Variants in RPS6KC1 observed in about 807,000 individuals in gnomAD.
RPS6KC1 encodes the protein inactive ribosomal protein S6 kinase delta-1.
RPS6KC1 carries 54 observed loss-of-function variants against 103.8 expected under a neutral mutation model. The ratio of observed to expected loss-of-function variants is 0.52; its 90% CI spans 0.42 to 0.65. The LOEUF (loss-of-function observed/expected upper bound fraction) is 0.65, where lower values mean the gene tolerates loss of function less well. Among genes scored for constraint, RPS6KC1 ranks in the 30% least tolerant of loss-of-function variants. The pLI, the probability that RPS6KC1 is intolerant of heterozygous loss-of-function variation, is 0.00. For synonymous variants in RPS6KC1, 439 were observed against 438.7 expected, an observed-to-expected ratio of 1.00 and a Z score of -0.01; for missense variants, 1,151 against 1,253.8, an observed-to-expected ratio of 0.92 and a Z score of 1.24.
rs890045989 is a variant in RPS6KC1 at position 213,094,793 on chromosome 1, G to A, written c.263-9661G>A. ...AGATCACTCCATGTCCTTGGATGACGACAAAAACAAGACCATCCTGTAGTC... is the reference window on the plus strand; with the variant it reads ...AGATCACTCCATGTCCTTGGATGACAACAAAAACAAGACCATCCTGTAGTC... On this transcript the variant is annotated intron_variant, in intron 3 of 14. Transcript: ENST00000366960. 2.6e-4 allele frequency among the ~76,000 whole-genome samples: 39 copies of A among 152,124 alleles called. 1 individual carries two copies. The highest frequency in any genetic ancestry group is 5.9e-5 in the Non-Finnish European group (4 of 68,022).
the RPS6KC1 span, among the ~76,000 whole-genome samples, chr1:213,533,159 A>C: frequency 6.6e-6 from 1 of 152,154 alleles, no homozygotes; most frequent in Non-Finnish European, 1.5e-5. Context: ...AGAACCAGGG[A>C]GTCAGGGCTC....
the RPS6KC1 span, among the ~76,000 whole-genome samples, chr1:213,830,520 C>T: frequency 6.6e-5 from 10 of 152,172 alleles, no homozygotes; most frequent in East Asian, 5.8e-4. Context: ...TTGCTAATCC[C>T]GGTATAAAGA....
chr1:213,613,323 T>C, the RPS6KC1 span, among the ~76,000 whole-genome samples: 2 of 152,372 alleles, frequency 1.3e-5, no homozygotes, highest in Non-Finnish European at 1.5e-5. Flanking sequence ...TTGTCATTTC[T>C]GCTATTTACT....
chr1:213,095,995 A>G (rs765749353), intron 3 of RPS6KC1, among the ~76,000 whole-genome samples: 105 of 152,164 alleles, frequency 6.9e-4, no homozygotes, highest in Non-Finnish European at 1.3e-3. Context: ...TCTTCCTTTC[A>G]CAAAAGATTT....
chr1:213,146,267 C>A (rs545805168), intron 6 of RPS6KC1, among the ~76,000 whole-genome samples: 2 of 151,522 alleles, frequency 1.3e-5, no homozygotes, highest in South Asian at 4.2e-4. Context: ...GTATATGTAC[C>A]ATTTTTTCTC....
At chr1:213,320,889 C>T in the RPS6KC1 span, among the ~76,000 whole-genome samples, 91 of 152,298 alleles carry the variant, frequency 6.0e-4, 1 homozygote, top group East Asian at 0.015. Flanking sequence ...CTGTCCTGTT[C>T]CTCATTTCGG....
chr1:213,694,401 C>A, the RPS6KC1 span, among the ~76,000 whole-genome samples: 1 of 152,186 alleles, frequency 6.6e-6, no homozygotes, highest in South Asian at 2.1e-4. Flanking sequence ...CTGAAGGCTG[C>A]AAGAAATAAG....
intron 10 of RPS6KC1, among the ~76,000 whole-genome samples, chr1:213,234,365 A>G (rs1310662330): frequency 6.6e-6 from 1 of 152,174 alleles, no homozygotes; most frequent in East Asian, 1.9e-4. Flanking sequence ...AAGCAAGAGA[A>G]CATTGGATAA....
In RPS6KC1 at chr1:213,151,672, G is replaced by A. The variant is rs1235717568; in HGVS notation, c.836-16186G>A. On this transcript the variant is annotated intron_variant, in intron 6 of 14. Transcript: ENST00000366960. ...GGGCTCCTCACTTCCCAGTAGGGGC[G>A]GCCGGGCAGACGCGCCCCTCACCTC... Among the ~76,000 whole-genome samples, 18 of 93,574 alleles carry A rather than the reference G, an allele frequency of 1.9e-4. 1 individual carries two copies. Among genetic ancestry groups the A allele is most frequent in the South Asian group, 1.1e-3 (3 of 2,620 alleles). The allele number at this position is 93,574 out of a possible 152,430, so 61.4% of individuals were successfully genotyped here. A position where few individuals can be genotyped will look rare whatever the true frequency, so the allele number is the denominator to read the frequency against.
At chr1:213,262,856 C>A in intron 14 of RPS6KC1, 40 bp downstream of exon 14, 1 of 1,160,040 alleles carries the variant, frequency 8.6e-7, no homozygotes, top group Non-Finnish European at 1.3e-6. Flanking sequence ...ATCAACCATG[C>A]AGATTAGCAG....
the RPS6KC1 span, among the ~76,000 whole-genome samples, chr1:213,860,396 T>C: frequency 7.2e-6 from 1 of 139,450 alleles, no homozygotes; most frequent in Non-Finnish European, 1.6e-5. Context: ...CAAAATTGTG[T>C]AAGAGAAACA....
chr1:213,227,302 CT>C (rs535560579), intron 8 of RPS6KC1, among the ~76,000 whole-genome samples: 2 of 152,190 alleles, frequency 1.3e-5, no homozygotes, highest in African/African-American at 4.8e-5. Flanking sequence ...ACCTTACAAA[CT>C]TTTAGAGTTG....
At chr1:213,425,044 G>C in the RPS6KC1 span, among the ~76,000 whole-genome samples, 1 of 152,072 alleles carries the variant, frequency 6.6e-6, no homozygotes, top group Admixed American at 6.5e-5. Context: ...CAGGGCCACG[G>C]AGGAGCCGCC....
the RPS6KC1 span, among the ~76,000 whole-genome samples, chr1:213,622,138 G>A: frequency 1.3e-5 from 2 of 152,100 alleles, no homozygotes; most frequent in East Asian, 1.9e-4. Flanking sequence ...TACTTGAAAT[G>A]TTCCCCCTGC....
chr1:213,350,012 C>CT, the RPS6KC1 span, among the ~76,000 whole-genome samples: 6 of 152,080 alleles, frequency 3.9e-5, no homozygotes, highest in African/African-American at 1.4e-4. Flanking sequence ...TCTGAATACT[C>CT]TTTTTAAGTC....
rs1375113170 is a variant in RPS6KC1, at chr1:213,051,279, G to A, written c.-126G>A. 1 of 658,600 alleles carries A rather than the reference G, an allele frequency of 1.5e-6. No individual in the cohort carries two copies. Among genetic ancestry groups the A allele is most frequent in the East Asian group, 2.7e-5 (1 of 36,516 alleles). The allele number at this position is 658,600 out of a possible 1,614,324, so 40.8% of individuals were successfully genotyped here. A position where few individuals can be genotyped will look rare whatever the true frequency, so the allele number is the denominator to read the frequency against. On this transcript the variant is annotated 5_prime_UTR_variant, in exon 1 of 15. Transcript: ENST00000366960. ...AGCTGTGCAGCTGAGGCGCCGCCGT[G>A]GAGCCGCCTTGGAGCCACCGCCCCC... is the stretch of plus-strand genomic sequence containing the variant.
chr1:213,130,309 C>T (rs116543029), intron 6 of RPS6KC1, among the ~76,000 whole-genome samples: 4 of 152,096 alleles, frequency 2.6e-5, no homozygotes, highest in Non-Finnish European at 5.9e-5. Context: ...TTGGGTTTGC[C>T]GACTATTCTG....
the RPS6KC1 span, among the ~76,000 whole-genome samples, chr1:213,595,649 G>A: frequency 2.6e-5 from 4 of 152,176 alleles, no homozygotes; most frequent in South Asian, 6.2e-4. Context: ...CCAGCAATTC[G>A]TGCCTTGTTT....
At chr1:213,468,917 C>T in the RPS6KC1 span, among the ~76,000 whole-genome samples, 2 of 152,150 alleles carry the variant, frequency 1.3e-5, no homozygotes, top group Non-Finnish European at 2.9e-5. Context: ...TTGACTCCTG[C>T]TGCCTGGAGT....
Sources: gnomAD v4.1 joint callset for allele counts (sites outside exome capture counted in the v4.1 genomes callset) on GRCh38, gnomAD v4.1.1 for gene constraint, MANE v1.5 for transcripts, NCBI Gene and HGNC (gene_info 2026-07-23, HGNC 2026-07-21) for gene names.